FRYL: variants seen among roughly 807,000 people sequenced by gnomAD.
The protein encoded by FRYL is protein furry homolog-like.
A neutral mutation model predicts 351.2 loss-of-function variants in FRYL; 150 were observed. That is an observed-to-expected ratio of 0.43 (90% CI 0.37 to 0.49). FRYL has a LOEUF of 0.49. Among genes scored for constraint, FRYL ranks in the 20% least tolerant of loss-of-function variants. The pLI is 0.00. For missense variants in FRYL, 3,036 were observed against 3,619.3 expected (o/e 0.84, Z 4.13); for synonymous variants, 1,153 against 1,257.1 (o/e 0.92, Z 1.75).
At chr4:48,698,905 C>T (rs1368872328) in intron 2 of FRYL, among the ~76,000 whole-genome samples, 2 of 151,830 alleles carry the variant, frequency 1.3e-5, no homozygotes, top group African/African-American at 4.8e-5. Context: ...GTTCACTGCA[C>T]TCTAACAAAT....
chr4:48,714,737 A>T (rs544990049), intron 1 of FRYL, among the ~76,000 whole-genome samples: 1 of 151,272 alleles, frequency 6.6e-6, no homozygotes, highest in African/African-American at 2.4e-5. Context: ...ATTCCAATCA[A>T]TAGAAAAAGA....
chr4:48,590,613 TA>T (rs755223920), intron 17 of FRYL, 45 bp downstream of exon 17: 1 of 1,349,080 alleles, frequency 7.4e-7, no homozygotes, highest in Non-Finnish European at 1.0e-6. Context: ...TATAAAAGAA[TA>T]TGAAACTGTA....
intron 16 of FRYL, among the ~76,000 whole-genome samples, chr4:48,592,061 T>C (rs561325414): frequency 1.5e-5 from 2 of 137,478 alleles, no homozygotes; most frequent in South Asian, 2.4e-4. Flanking sequence ...TTCAATGGAA[T>C]ACGGGAAGAA....
intron 20 of FRYL, 124 bp from the exon 21 acceptor site, chr4:48,581,729 A>G (rs1740938974): frequency 1.4e-6 from 1 of 701,062 alleles, no homozygotes; most frequent in African/African-American, 1.8e-5. Flanking sequence ...AGCTCAAGCA[A>G]TGTAAATCGC....
chr4:48,653,682 A>ATT, intron 3 of FRYL: 1 of 1,120,774 alleles, frequency 8.9e-7, no homozygotes, highest in Non-Finnish European at 1.2e-6. Context: ...ATACCTCAGC[A>ATT]TTTTTTTTTT....
chr4:48,766,649 CAAG>C (rs1419882135), intron 1 of FRYL, among the ~76,000 whole-genome samples: 3 of 152,140 alleles, frequency 2.0e-5, no homozygotes, highest in Admixed American at 6.5e-5. Flanking sequence ...ATCTCAAAAC[CAAG>C]AAGATTTACC....
chr4:48,671,858 CAAAAAAAAAAAAAACA>C (rs1293653768), intron 3 of FRYL, among the ~76,000 whole-genome samples: 624 of 22,400 alleles, frequency 0.028, 13 homozygotes, highest in African/African-American at 0.066. Context: ...GTCTCAAAAA[CAAAAAAAAAAAAAACA>C]AAAAAAAAAA....
Position 48,547,592 on chromosome 4 carries a change from T to C in FRYL, c.5066A>G (p.Asn1689Ser), listed in dbSNP as rs760599041. ...TVKQVAHLDY[N>S]FTAGINDFIP... is the part of the protein sequence containing the mutation. ...ACATTTAAAGCAAATACCTGTGAAATTATAATCTAAGTGTGCAACTTGTTT... is the reference window on the plus strand; with the variant it reads ...ACATTTAAAGCAAATACCTGTGAAACTATAATCTAAGTGTGCAACTTGTTT... Residue 1689 changes from asparagine (N) to serine (S), a missense_variant, in exon 41 of 64, where the codon AAT becomes AGT. This residue lies in a region of FRYL where 1,987 missense variants were observed against 2,311.7 expected (regional missense o/e 0.86). Coordinates refer to ENST00000358350, the MANE Select transcript of FRYL (RefSeq NM_015030.2). 1.2e-5 allele frequency: 19 copies of C among 1,538,442 alleles called. No individual in the cohort carries two copies. The highest frequency in any genetic ancestry group is 1.1e-4 in the African/African-American group (8 of 73,516).
intron 46 of FRYL, 57 bp from the exon 47 acceptor site, chr4:48,540,125 G>T: frequency 7.3e-7 from 1 of 1,378,442 alleles, no homozygotes; most frequent in East Asian, 2.4e-5. Context: ...TATTTTAAAA[G>T]TTAAAGTTAT....
At chr4:48,544,691 A>G in intron 43 of FRYL, 92 bp downstream of exon 43, 1 of 1,027,106 alleles carries the variant, frequency 9.7e-7, no homozygotes, top group East Asian at 2.7e-5. Flanking sequence ...TAGAGGTATC[A>G]CAATATCAAC....
intron 57 of FRYL, among the ~76,000 whole-genome samples, chr4:48,512,025 C>T (rs999658920): frequency 2.0e-5 from 3 of 152,048 alleles, no homozygotes; most frequent in Non-Finnish European, 4.4e-5. Flanking sequence ...TAAATTTTAG[C>T]TTGTATTATC....
chr4:48,526,029 T>C (rs1239243419), intron 53 of FRYL, among the ~76,000 whole-genome samples: 1 of 152,086 alleles, frequency 6.6e-6, no homozygotes, highest in Admixed American at 6.6e-5. Flanking sequence ...ATGAGCTGTA[T>C]ATTAGTAGTA....
At chr4:48,663,283 G>A (rs184381259) in intron 3 of FRYL, among the ~76,000 whole-genome samples, 15 of 151,466 alleles carry the variant, frequency 9.9e-5, no homozygotes, top group African/African-American at 3.4e-4. Context: ...GCTGTGAGAA[G>A]TTGAAATTCA....
chr4:48,607,669 C>G (rs1747149219), intron 9 of FRYL, among the ~76,000 whole-genome samples: 1 of 152,184 alleles, frequency 6.6e-6, no homozygotes, highest in Non-Finnish European at 1.5e-5. Context: ...TAGGTGCTAT[C>G]AGCCTAACTC....
At chr4:48,580,005 T>A (rs1446340094) in intron 22 of FRYL, among the ~76,000 whole-genome samples, 3 of 151,678 alleles carry the variant, frequency 2.0e-5, no homozygotes, top group Admixed American at 2.0e-4. Flanking sequence ...TGTATCTATT[T>A]AAAAATAAAT....
chr4:48,563,706 TAA>T (rs78922907), intron 31 of FRYL, among the ~76,000 whole-genome samples: 28 of 123,092 alleles, frequency 2.3e-4, no homozygotes, highest in Non-Finnish European at 1.7e-4. Flanking sequence ...AGACCATGTC[TAA>T]AAAAAAAAAA....
intron 6 of FRYL, 32 bp from the exon 7 acceptor site, chr4:48,619,402 T>C: frequency 7.9e-7 from 1 of 1,273,486 alleles, no homozygotes; most frequent in South Asian, 1.5e-5. Context: ...AGTACTGCAT[T>C]AAGATTATGA....
rs183939296 is a variant in FRYL, at chr4:48,605,946, A to G, written c.742-113T>C. On this transcript the variant is annotated intron_variant, in intron 10 of 63. Transcript: ENST00000358350. ...TCATTTTACCAAAAAACTAAGGTCA[A>G]TGCATCTTCAAGTCAAAAAACAAAG... 176 of 663,696 alleles carry G rather than the reference A, an allele frequency of 2.7e-4. 1 individual carries two copies. In the East Asian group the frequency reaches 4.1e-3, roughly 16 times the overall value. 41.1% of individuals were successfully genotyped at this position (663,696 alleles called of 1,614,324 possible).
intron 59 of FRYL, among the ~76,000 whole-genome samples, chr4:48,509,253 A>C (rs1191470927): frequency 1.3e-5 from 2 of 152,246 alleles, no homozygotes; most frequent in Non-Finnish European, 2.9e-5. Context: ...GAGCCCCTAC[A>C]AATCAGTAAG....
Sources: allele counts gnomAD v4.1 joint callset (sites outside exome capture counted in the v4.1 genomes callset), GRCh38; gene constraint gnomAD v4.1.1; regional missense constraint gnomAD v4.1.1; transcripts MANE v1.5; gene names NCBI Gene and HGNC (gene_info 2026-07-23, HGNC 2026-07-21).